The following DNAH7 variants were observed in gnomAD, a reference collection of about 807,000 sequenced individuals.
DNAH7 encodes dynein axonemal heavy chain 7.
DNAH7 carries 397 observed loss-of-function variants against 444.6 expected under a neutral mutation model. That is an observed-to-expected ratio of 0.89 (90% CI 0.82 to 0.97). The LOEUF is 0.97. Among genes scored for constraint, DNAH7 ranks in the 50% least tolerant of loss-of-function variants. The probability of loss-of-function intolerance (pLI) is 0.00; values close to 1 mark genes in which losing one functional copy is unlikely to be tolerated. For missense variants in DNAH7, 4,902 were observed against 4,800.8 expected (o/e 1.02, Z -0.62); for synonymous variants, 1,636 against 1,624.4 (o/e 1.01, Z -0.17).
intron 63 of DNAH7, among the ~76,000 whole-genome samples, chr2:195,746,887 G>C (rs1693448077): frequency 6.6e-6 from 1 of 152,054 alleles, no homozygotes. Context: ...GCCCACAAGA[G>C]AAAGTAGGAA....
intron 42 of DNAH7, among the ~76,000 whole-genome samples, chr2:195,859,478 C>G (rs1699898203): frequency 6.6e-6 from 1 of 151,860 alleles, no homozygotes; most frequent in East Asian, 1.9e-4. Flanking sequence ...ATATATATGT[C>G]TCTATAGAGA....
chr2:195,870,076 A>T (rs1445877110), intron 40 of DNAH7, among the ~76,000 whole-genome samples: 1 of 152,220 alleles, frequency 6.6e-6, no homozygotes, highest in Admixed American at 6.5e-5. Context: ...TATAATCTCA[A>T]GTGACAGAAC....
intron 58 of DNAH7, among the ~76,000 whole-genome samples, chr2:195,781,726 G>A (rs957811526): frequency 2.0e-5 from 3 of 147,758 alleles, no homozygotes; most frequent in Admixed American, 6.8e-5. Flanking sequence ...CTGTGTAAGT[G>A]GTCATTAAAA....
intron 10 of DNAH7, among the ~76,000 whole-genome samples, chr2:196,012,370 A>G (rs969868622): frequency 1.3e-5 from 2 of 152,114 alleles, no homozygotes; most frequent in African/African-American, 2.4e-5. Flanking sequence ...CATTTAAACG[A>G]TATACTTTCC....
chr2:195,806,382 T>C (rs1696710813), intron 54 of DNAH7, among the ~76,000 whole-genome samples: 1 of 152,220 alleles, frequency 6.6e-6, no homozygotes. Flanking sequence ...CCACAGATTC[T>C]AGTCTATCAG....
rs1257536246 is a variant in DNAH7, at chr2:195,834,305, T to A, written c.9001A>T (p.Ile3001Phe). 1 of 1,607,452 alleles carries A rather than the reference T, an allele frequency of 6.2e-7. No individual in the cohort carries two copies. Residue 3001 changes from isoleucine to phenylalanine, a missense_variant, in exon 48 of 65, where the codon ATC becomes TTC. Coordinates refer to ENST00000312428, the MANE Select transcript of DNAH7 (RefSeq NM_018897.3). ...IDPQSQANKW[I>F]KNMEKANSLY... ...CTATTGGCTTTTTCCATGTTCTTGA[T>A]CCATTTATTAGCCTGACTTTGAGGA...
Position 196,024,453 on chromosome 2 carries a change from T to C in DNAH7, c.719A>G (p.Asp240Gly), listed in dbSNP as rs1296747338. The C allele has an allele frequency of 3.8e-6, 6 of 1,585,880 alleles. No homozygotes were observed. Among genetic ancestry groups the C allele is most frequent in the South Asian group, 1.2e-5 (1 of 84,898 alleles). ...CTCAGCACGATGGGCTGGAAGTTCA[T>C]CTGTCTTCTTATCATCTCCTTTCTC... Reference protein sequence around the residue: ...PREKGDDKKTDELPAHRAEME... With the variant: ...PREKGDDKKTGELPAHRAEME... The change falls in exon 8 of 65, where the codon GAT becomes GGT. Residue 240 changes from aspartate (D) to glycine (G), a missense_variant. Coordinates refer to ENST00000312428, the MANE Select transcript of DNAH7 (RefSeq NM_018897.3).
At chr2:195,993,462 G>A (rs1341788566) in intron 12 of DNAH7, among the ~76,000 whole-genome samples, 1 of 152,186 alleles carries the variant, frequency 6.6e-6, no homozygotes, top group Non-Finnish European at 1.5e-5. Context: ...AAAGAACTAA[G>A]TAGGCATTTA....
In DNAH7 at chr2:195,755,181, TTCTC is replaced by T. The variant is rs982384794; in HGVS notation, c.11587-671_11587-668del. 5.9e-5 allele frequency among the ~76,000 whole-genome samples: 9 copies of T among 152,364 alleles called. No individual in the cohort carries two copies. In the South Asian group the frequency reaches 8.3e-4, roughly 14 times the overall value. ...CAGATGGTTATGTTTTTCACTTTTC[TTCTC>T]TCTCTAATTAGTCATTAGTACCCAA... On this transcript the variant is annotated intron_variant, in intron 62 of 64. Transcript: ENST00000312428.
intron 63 of DNAH7, among the ~76,000 whole-genome samples, chr2:195,746,057 A>G (rs997754373): frequency 6.6e-6 from 1 of 152,238 alleles, no homozygotes; most frequent in African/African-American, 2.4e-5. Flanking sequence ...AGACTGGCAA[A>G]TTGGATAAAG....
At chr2:195,921,616 G>T (rs141834634) in intron 24 of DNAH7, among the ~76,000 whole-genome samples, 2 of 152,188 alleles carry the variant, frequency 1.3e-5, no homozygotes, top group Non-Finnish European at 2.9e-5. Context: ...GTGGGTGCAG[G>T]ATAAAAGACT....
At chr2:195,891,285 AT>A (rs1434173349) in intron 31 of DNAH7, among the ~76,000 whole-genome samples, 1 of 152,258 alleles carries the variant, frequency 6.6e-6, no homozygotes, top group Non-Finnish European at 1.5e-5. Context: ...AGGCATGACA[AT>A]AGCAGCAGCC....
At chr2:195,784,122 AC>A (rs569879961) in intron 58 of DNAH7, among the ~76,000 whole-genome samples, 1 of 152,304 alleles carries the variant, frequency 6.6e-6, no homozygotes, top group South Asian at 2.1e-4. Flanking sequence ...TCCACAGCTG[AC>A]ATTAGGGTTC....
At chr2:195,850,297 A>AAAAG in intron 46 of DNAH7, among the ~76,000 whole-genome samples, 1 of 150,770 alleles carries the variant, frequency 6.6e-6, no homozygotes. Context: ...AAAAAAAAAA[A>AAAAG]GGGGAGAGAG....
intron 36 of DNAH7, among the ~76,000 whole-genome samples, chr2:195,880,158 C>T (rs1032050184): frequency 3.3e-5 from 5 of 151,876 alleles, no homozygotes; most frequent in African/African-American, 1.2e-4. Context: ...ATGAAATCCC[C>T]CTGAAGGGCA....
intron 19 of DNAH7, among the ~76,000 whole-genome samples, chr2:195,946,262 A>C (rs988685001): frequency 1.3e-5 from 2 of 152,228 alleles, no homozygotes; most frequent in African/African-American, 4.8e-5. Flanking sequence ...TAATCTTAAA[A>C]GTAAGCAGGC....
intron 46 of DNAH7, among the ~76,000 whole-genome samples, chr2:195,850,491 G>T (rs991497562): frequency 9.9e-5 from 15 of 152,186 alleles, no homozygotes; most frequent in Admixed American, 5.9e-4. Context: ...TTTGGAAAAT[G>T]GCACAGGCAT....
chr2:195,778,275 G>A (rs1271765865), intron 58 of DNAH7, among the ~76,000 whole-genome samples: 6 of 151,856 alleles, frequency 4.0e-5, no homozygotes, highest in East Asian at 1.9e-4. Context: ...TGCCAGATAC[G>A]AATGAATTAG....
rs115081997 is a variant in DNAH7, at chr2:196,000,717, A to G, written c.1340T>C (p.Leu447Ser). The stretch of plus-strand genomic sequence containing the variant: ...CTTGTTACTTACCCACTTGGAATAC[A>G]ATTTTGTCTCAACTCTTGGCACAAA... ...VSFVPRVETK[L>S]YSKWESKSKP... The change falls in exon 12 of 65, where the codon TTG becomes TCG. Residue 447 changes from leucine (L) to serine (S), a missense_variant. Coordinates refer to ENST00000312428, the MANE Select transcript of DNAH7 (RefSeq NM_018897.3). 3.4e-4 allele frequency: 529 copies of G among 1,569,216 alleles called. 1 individual carries two copies. The African/African-American group carries it at 6.6e-3, about 19-fold the overall frequency.
Sources: allele counts gnomAD v4.1 joint callset (sites outside exome capture counted in the v4.1 genomes callset), GRCh38; gene constraint gnomAD v4.1.1; transcripts MANE v1.5; gene names NCBI Gene and HGNC (gene_info 2026-07-23, HGNC 2026-07-21).